The following EML5 variants were observed in gnomAD, a reference collection of about 807,000 sequenced individuals.
The protein encoded by EML5 is EMAP like 5, also known as echinoderm microtubule-associated protein-like 5.
Under a neutral mutation model 250.0 loss-of-function variants are expected in EML5, and 120 were observed. The observed-to-expected ratio is 0.48, with a 90% CI of 0.41 to 0.56. The LOEUF (loss-of-function observed/expected upper bound fraction) is 0.56. Ranked by LOEUF, EML5 falls within the 20% of genes least tolerant of loss-of-function variation. The pLI is 0.00. For missense variants in EML5, 2,006 were observed against 2,437.6 expected (o/e 0.82, Z 3.73); for synonymous variants, 771 against 806.5 (o/e 0.96, Z 0.75).
intron 33 of EML5, among the ~76,000 whole-genome samples, chr14:88,628,599 TAATG>T (rs1300183781): frequency 6.6e-6 from 1 of 152,098 alleles, no homozygotes; most frequent in East Asian, 1.9e-4. Context: ...TAAGTACTTT[TAATG>T]AAGCAATAAA....
At chr14:88,645,669 T>C (rs1000501946) in intron 29 of EML5, among the ~76,000 whole-genome samples, 2 of 152,208 alleles carry the variant, frequency 1.3e-5, no homozygotes, top group Non-Finnish European at 2.9e-5. Context: ...GTTAATGGCA[T>C]TGCCATCAGA....
intron 8 of EML5, among the ~76,000 whole-genome samples, chr14:88,720,849 G>T (rs1197299592): frequency 6.6e-6 from 1 of 152,142 alleles, no homozygotes; most frequent in Non-Finnish European, 1.5e-5. Flanking sequence ...TTTATTTGCA[G>T]ATGACATGAT....
chr14:88,671,679 C>A (rs184594239), intron 21 of EML5, among the ~76,000 whole-genome samples: 18 of 152,040 alleles, frequency 1.2e-4, no homozygotes, highest in African/African-American at 1.9e-4. Context: ...AAGACACATA[C>A]AGGCTCAAAA....
At chr14:88,749,589 A>G (rs1400633326) in intron 2 of EML5, among the ~76,000 whole-genome samples, 1 of 152,196 alleles carries the variant, frequency 6.6e-6, no homozygotes, top group Non-Finnish European at 1.5e-5. Flanking sequence ...GGTTTTCAAA[A>G]TATGTAGAAG....
At chr14:88,739,725 T>C (rs957942414) in intron 5 of EML5, among the ~76,000 whole-genome samples, 2 of 152,054 alleles carry the variant, frequency 1.3e-5, no homozygotes, top group Non-Finnish European at 1.5e-5. Context: ...ATTTGCAACA[T>C]GTATGACTGT....
chr14:88,666,662 G>A (rs2092317258), intron 21 of EML5, among the ~76,000 whole-genome samples: 1 of 152,058 alleles, frequency 6.6e-6, no homozygotes, highest in East Asian at 1.9e-4. Context: ...GTTCATTAAT[G>A]TCATTAATGA....
At chr14:88,635,014 A>C (rs2090641985) in intron 32 of EML5, among the ~76,000 whole-genome samples, 1 of 152,230 alleles carries the variant, frequency 6.6e-6, no homozygotes, top group Admixed American at 6.5e-5. Context: ...CAAGAAAGGA[A>C]AAAAGTTCTT....
chr14:88,735,708 G>T (rs898710154), intron 7 of EML5, among the ~76,000 whole-genome samples: 1 of 152,102 alleles, frequency 6.6e-6, no homozygotes, highest in Non-Finnish European at 1.5e-5. Flanking sequence ...AATGACAAAT[G>T]TATAATGATA....
intron 17 of EML5, among the ~76,000 whole-genome samples, chr14:88,688,809 T>A (rs1324508249): frequency 4.6e-5 from 7 of 152,192 alleles, no homozygotes; most frequent in Admixed American, 4.6e-4. Flanking sequence ...TGCCTATATA[T>A]CCGCTGACCT....
chr14:88,677,051 C>T (rs902798810), intron 21 of EML5, among the ~76,000 whole-genome samples: 7 of 152,144 alleles, frequency 4.6e-5, no homozygotes, highest in Admixed American at 6.5e-5. Flanking sequence ...ACTACAGGCA[C>T]ACACCACCAC....
At chr14:88,700,112 A>T (rs920123856) in intron 14 of EML5, among the ~76,000 whole-genome samples, 1 of 152,198 alleles carries the variant, frequency 6.6e-6, no homozygotes, top group African/African-American at 2.4e-5. Context: ...GAAGCACTCA[A>T]CAAGTATTTG....
intron 30 of EML5, 85 bp downstream of exon 30, chr14:88,644,348 T>C (rs2091235862): frequency 1.6e-6 from 2 of 1,268,514 alleles, no homozygotes; most frequent in Non-Finnish European, 2.2e-6. Flanking sequence ...CTGATTTTCA[T>C]GAAAACTAAT....
At chr14:88,647,474 A>C (rs1745816931) in intron 28 of EML5, among the ~76,000 whole-genome samples, 1 of 151,638 alleles carries the variant, frequency 6.6e-6, no homozygotes, top group Non-Finnish European at 1.5e-5. Context: ...AAGCAAGAGG[A>C]TTGCTTGAGC....
intron 35 of EML5, 200 bp downstream of exon 35, chr14:88,626,638 T>TC (rs2140408076): frequency 1.6e-6 from 1 of 612,836 alleles, no homozygotes; most frequent in South Asian, 2.2e-5. Context: ...AAAATCCTTT[T>TC]CCCCCTCTCA....
In EML5 at chr14:88,613,501, A is replaced by G. The variant is rs1028899732; in HGVS notation, c.*2317T>C. The G allele has an allele frequency of 5.9e-5, 9 of 152,208 alleles. No homozygotes were observed. Among genetic ancestry groups the G allele is most frequent in the Non-Finnish European group, 1.2e-4 (8 of 68,028 alleles). The allele number at this position is 152,208 out of a possible 1,614,324, so 9.4% of individuals were successfully genotyped here. A position where few individuals can be genotyped will look rare whatever the true frequency, so the allele number is the denominator to read the frequency against. ...TTTTACAAGGAAATAATAAAATACT[A>G]AAATCTGATTGTTTTTTGCTATTTA... On this transcript the variant is annotated 3_prime_UTR_variant, in exon 44 of 44. Coordinates refer to ENST00000554922, the MANE Select transcript of EML5 (RefSeq NM_183387.3).
At chr14:88,708,134 T>C (rs1395376104) in intron 10 of EML5, among the ~76,000 whole-genome samples, 1 of 152,158 alleles carries the variant, frequency 6.6e-6, no homozygotes, top group Non-Finnish European at 1.5e-5. Context: ...AACAAGAAAG[T>C]TGTAAAATAA....
chr14:88,662,607 A>C (rs1567083816), intron 24 of EML5, among the ~76,000 whole-genome samples: 1 of 150,056 alleles, frequency 6.7e-6, no homozygotes, highest in African/African-American at 2.5e-5. Flanking sequence ...TAGTGGCATG[A>C]ACATGGCTCA....
intron 17 of EML5, 90 bp downstream of exon 17, chr14:88,694,217 G>T: frequency 1.2e-6 from 1 of 819,246 alleles, no homozygotes; most frequent in Non-Finnish European, 2.0e-6. Flanking sequence ...CCAGGATGCA[G>T]TCTAGGGTAC....
In EML5 at chr14:88,613,933, T is replaced by C. The variant is rs539524485; in HGVS notation, c.*1885A>G. On this transcript the variant is annotated 3_prime_UTR_variant, in exon 44 of 44. Coordinates refer to ENST00000554922, the MANE Select transcript of EML5 (RefSeq NM_183387.3). Reference sequence around the variant, plus strand: ...AGGTGGTCAGCTGATGACTACTTAGTCAATATGACCTTTAGTCGTGAAACT... The same window carrying C: ...AGGTGGTCAGCTGATGACTACTTAGCCAATATGACCTTTAGTCGTGAAACT... 17 of 152,306 alleles carry C rather than the reference T, an allele frequency of 1.1e-4. No individual in the cohort carries two copies. In the East Asian group the frequency reaches 2.3e-3, roughly 21 times the overall value. The allele number at this position is 152,306 out of a possible 1,614,324, so 9.4% of individuals were successfully genotyped here. A position where few individuals can be genotyped will look rare whatever the true frequency, so the allele number is the denominator to read the frequency against.
Sources: gnomAD v4.1 joint callset for allele counts (sites outside exome capture counted in the v4.1 genomes callset) on GRCh38, gnomAD v4.1.1 for gene constraint, MANE v1.5 for transcripts, NCBI Gene and HGNC (gene_info 2026-07-23, HGNC 2026-07-21) for gene names.